Variants in C10orf105 observed in about 807,000 individuals in gnomAD.
C10orf105 encodes the protein uncharacterized protein C10orf105.
In C10orf105, 2 loss-of-function variants were observed where a neutral mutation model predicts 0.6. That is an observed-to-expected ratio of 3.18 (90% confidence interval 1.30 to 10.01). The LOEUF is 10.01. Ranked by LOEUF, C10orf105 falls within the 30% of genes most tolerant of loss-of-function variation. C10orf105 has a pLI of 0.04. For missense variants in C10orf105, 209 were observed against 191.4 expected (o/e 1.09, Z -0.54); for synonymous variants, 95 against 82.4 (o/e 1.15, Z -0.83).
upstream of C10orf105, among the ~76,000 whole-genome samples, chr10:71,721,516 G>A (rs773480173): frequency 2.0e-5 from 3 of 152,182 alleles, no homozygotes; most frequent in Non-Finnish European, 2.9e-5. Context: ...GGCTCAAGGG[G>A]GCTAAAGTAC....
At chr10:71,723,262 G>A (rs1866639110), upstream of C10orf105, among the ~76,000 whole-genome samples, 1 of 152,176 alleles carries the variant, frequency 6.6e-6, no homozygotes, top group South Asian at 2.1e-4. Flanking sequence ...CTTGTTTTGG[G>A]TGGGCAGTGG....
chr10:71,726,762 G>T (rs1045321798), intron 1 of C10orf105, among the ~76,000 whole-genome samples: 1 of 152,228 alleles, frequency 6.6e-6, no homozygotes, highest in African/African-American at 2.4e-5. Context: ...TGATGTCAGC[G>T]AAGCTGGGGT....
rs1167021481 is a variant in C10orf105, at chr10:71,716,038, C to T, written c.300G>A (p.Leu100=). 2.0e-6 allele frequency: 3 copies of T among 1,507,194 alleles called. No individual in the cohort carries two copies. The highest frequency in any genetic ancestry group is 2.7e-6 in the Non-Finnish European group (3 of 1,125,648). The allele number at this position is 1,507,194 out of a possible 1,614,324, so 93.4% of individuals were successfully genotyped here. The change falls in exon 2 of 2, where the codon CTG becomes CTA. Residue 100 remains leucine (L), a synonymous_variant. Transcript: ENST00000441508. ...TGGGCCGGCCATGGCGGAAGCTGTGCAGGGAGAGGCGCAAGGAGCCCAGGC... is the reference window on the plus strand; with the variant it reads ...TGGGCCGGCCATGGCGGAAGCTGTGTAGGGAGAGGCGCAAGGAGCCCAGGC... The part of the protein sequence containing the change: ...WKRLGSLRLS[L]HSFRHGRPTV...
intron 1 of C10orf105, among the ~76,000 whole-genome samples, chr10:71,735,393 G>A (rs974123349): frequency 5.3e-5 from 8 of 152,174 alleles, no homozygotes; most frequent in Non-Finnish European, 1.0e-4. Flanking sequence ...GAGGCGGCCC[G>A]GCCTGAAGGG....
intron 1 of C10orf105, chr10:71,734,585 C>A: frequency 6.3e-7 from 1 of 1,598,818 alleles, no homozygotes; most frequent in Non-Finnish European, 8.5e-7. Context: ...TCTGGAAGAG[C>A]CACAGACGGC....
rs74147037 is a variant in C10orf105, at chr10:71,719,406, C to G, written c.-6+221G>C. On this transcript the variant is annotated intron_variant, in intron 1 of 1. Transcript: ENST00000441508. The stretch of plus-strand genomic sequence containing the variant: ...AAGCTCAGTCTAGGACCCTCCTCTT[C>G]CCTTGGAGTTCCACAGAGCAGGACC... Among the ~76,000 whole-genome samples the G allele has an allele frequency of 5.8e-3, 888 of 152,350 alleles. 11 individuals are homozygous for G. Among genetic ancestry groups the G allele is most frequent in the African/African-American group, 0.02 (829 of 41,576 alleles).
intron 1 of C10orf105, among the ~76,000 whole-genome samples, chr10:71,736,535 A>G (rs535092051): frequency 6.6e-6 from 1 of 152,254 alleles, no homozygotes; most frequent in South Asian, 2.1e-4. Context: ...GGGGAGGGCA[A>G]TGTGGATTGT....
Position 71,731,010 on chromosome 10 carries a change from A to C in C10orf105, c.-6+6718T>G, listed in dbSNP as rs139751682. ...GCCTTCCAGGACCAGCTCAGGGCCT[A>C]GCACACGCAGACCCCCTGACCCTGT... On this transcript the variant is annotated intron_variant, in intron 1 of 1. Transcript: ENST00000398786. 6.8e-3 allele frequency among the ~76,000 whole-genome samples: 1,034 copies of C among 152,334 alleles called. 13 individuals carry two copies. Among genetic ancestry groups the C allele is most frequent in the African/African-American group, 0.024 (978 of 41,584 alleles).
chr10:71,716,471 C>T lies in C10orf105; in HGVS notation c.-5-129G>A, dbSNP rs1195346751. ...GTTAAACTGGACAGCATCATGGCCA[C>T]ATCACAGGTTAAGACAGCAAGGTCC... On this transcript the variant is annotated intron_variant, in intron 1 of 1. Coordinates refer to ENST00000441508, the MANE Select transcript of C10orf105 (RefSeq NM_001164375.3). 1.4e-5 allele frequency: 10 copies of T among 699,312 alleles called. No individual in the cohort carries two copies. The East Asian group carries it at 2.3e-4, about 16-fold the overall frequency. The allele number at this position is 699,312 out of a possible 1,614,324, so 43.3% of individuals were successfully genotyped here.
intron 1 of C10orf105, chr10:71,732,349 G>C (rs2132826229): frequency 6.3e-7 from 1 of 1,575,714 alleles, no homozygotes; most frequent in Non-Finnish European, 8.6e-7. Context: ...CCAGGCCAAA[G>C]CCCTCTTCAA....
At chr10:71,721,134 C>A (rs1387172231), upstream of C10orf105, among the ~76,000 whole-genome samples, 1 of 152,192 alleles carries the variant, frequency 6.6e-6, no homozygotes, top group Non-Finnish European at 1.5e-5. Context: ...AGCAGGGAGG[C>A]ATCAAGGAAA....
At chr10:71,723,904 ACACCCCCAGC>A, upstream of C10orf105, 1 of 910,568 alleles carries the variant, frequency 1.1e-6, no homozygotes, top group South Asian at 1.4e-5. Context: ...CTTGTCTCCC[ACACCCCCAGC>A]CTCTGAGGGA....
chr10:71,716,271 G>A lies in C10orf105; in HGVS notation c.67C>T (p.Pro23Ser). 2.6e-6 allele frequency: 4 copies of A among 1,537,452 alleles called. No individual in the cohort carries two copies. Among genetic ancestry groups the A allele is most frequent in the Non-Finnish European group, 3.5e-6 (4 of 1,138,230 alleles). The change falls in exon 2 of 2, where the codon CCC becomes TCC. Residue 23 changes from proline to serine, a missense_variant. By Grantham distance (74) the Pro-to-Ser change is moderately conservative. Transcript: ENST00000441508. ...TCTGCAAGGGTCCCGGGAGTGACGGGAGCTGAGAGAAAGGCGAGGGGGCTG... is the reference window on the plus strand; with the variant it reads ...TCTGCAAGGGTCCCGGGAGTGACGGAAGCTGAGAGAAAGGCGAGGGGGCTG... ...AISPLAFLSA[P>S]VTPGTLAEAT...
rs1227065 is a variant in C10orf105 at position 71,732,322 on chromosome 10, A to G, written c.-6+5406T>C. 1,290,804 of 1,599,966 alleles carry G rather than the reference A, an allele frequency of 0.81. 521,105 individuals carry two copies. Among genetic ancestry groups the G allele is most frequent in the East Asian group, 0.83 (36,711 of 44,158 alleles). Reference sequence around the variant, plus strand: ...CCTCAACCAAATCACGTACCGCTTCAACGCCTACACCAGCACCCAGGCCAA... The same window carrying G: ...CCTCAACCAAATCACGTACCGCTTCGACGCCTACACCAGCACCCAGGCCAA... On this transcript the variant is annotated intron_variant, in intron 1 of 1. Transcript: ENST00000398786.
chr10:71,725,445 G>A (rs980996899), intron 1 of C10orf105: 9 of 1,613,926 alleles, frequency 5.6e-6, no homozygotes, highest in Non-Finnish European at 7.6e-6. Flanking sequence ...CCCTGGACCG[G>A]GAGCGGAACT....
chr10:71,716,723 G>A (rs900885882), intron 1 of C10orf105: 9 of 189,984 alleles, frequency 4.7e-5, no homozygotes, highest in South Asian at 1.9e-4. Context: ...AACGAGTTAT[G>A]GATGGTAAGA....
chr10:71,734,517 GGAT>G, intron 1 of C10orf105: 1 of 1,595,720 alleles, frequency 6.3e-7, no homozygotes, highest in Admixed American at 1.7e-5. Flanking sequence ...GGTTGGGCTA[GGAT>G]GAGACCTCAG....
chr10:71,718,574 C>G (rs1456853614), intron 1 of C10orf105, among the ~76,000 whole-genome samples: 1 of 152,202 alleles, frequency 6.6e-6, no homozygotes, highest in East Asian at 1.9e-4. Context: ...CGCTCATTCC[C>G]GTGGGGAGAA....
chr10:71,729,474 G>T (rs1436376412), intron 1 of C10orf105, among the ~76,000 whole-genome samples: 1 of 152,196 alleles, frequency 6.6e-6, no homozygotes, highest in Non-Finnish European at 1.5e-5. Flanking sequence ...TGGAGTCTTT[G>T]CTCTCCACGC....
Sources: allele counts gnomAD v4.1 joint callset (sites outside exome capture counted in the v4.1 genomes callset), GRCh38; gene constraint gnomAD v4.1.1; transcripts MANE v1.5; gene names NCBI Gene and HGNC (gene_info 2026-07-23, HGNC 2026-07-21).